CCDC178: variants seen among roughly 807,000 people sequenced by gnomAD.
CCDC178 encodes coiled-coil domain-containing protein 178.
In CCDC178, 126 loss-of-function variants were observed where a neutral mutation model predicts 117.4. The observed-to-expected ratio is 1.07, with a 90% confidence interval of 0.93 to 1.24. CCDC178 has a LOEUF of 1.24. CCDC178 is among the 50% of genes most tolerant of loss of function. The pLI, the probability that CCDC178 is intolerant of heterozygous loss-of-function variation, is 0.00. For synonymous variants in CCDC178, 283 were observed against 313.4 expected (o/e 0.90, Z 1.02); for missense variants, 1,030 against 986.9 (o/e 1.04, Z -0.59).
intron 2 of CCDC178, among the ~76,000 whole-genome samples, chr18:33,425,673 G>A (rs1271811932): frequency 6.6e-6 from 1 of 152,164 alleles, no homozygotes; most frequent in East Asian, 1.9e-4. Context: ...TACTTGAACT[G>A]TGCTGCTTGA....
chr18:33,314,200 CAAAAAAAAAAAAAAAAAAAA>C (rs869127341), intron 11 of CCDC178, among the ~76,000 whole-genome samples: 1 of 62,426 alleles, frequency 1.6e-5, no homozygotes, highest in Non-Finnish European at 2.9e-5. Context: ...GACTCCGTCT[CAAAAAAAAAAAAAAAAAAAA>C]AAAAAAAAAA....
At position 33,223,195 on chromosome 18, in the gene CCDC178, T is replaced by G. The variant is rs756333419; in HGVS notation, c.1843A>C (p.Lys615Gln). Residue 615 changes from lysine (K) to glutamine (Q), a missense_variant, in exon 18 of 23, where the codon AAA becomes CAA. By Grantham distance (53) the Lys-to-Gln change is moderately conservative (BLOSUM62 1). Transcript: ENST00000383096. ...CCCACCTTTCTTCTAATAAGATCTT[T>G]CTGATCAATTATATTATTAAGCATC... ...SVMLNNIIDQ[K>Q]DLIRRKVGKV... 6.2e-7 allele frequency: 1 copy of G among 1,604,486 alleles called. No individual in the cohort carries two copies. The highest frequency in any genetic ancestry group is 1.3e-5 in the African/African-American group (1 of 74,590).
intron 18 of CCDC178, 68 bp from the exon 19 acceptor site, chr18:33,215,763 C>T (rs2059158457): frequency 2.5e-6 from 3 of 1,199,752 alleles, no homozygotes; most frequent in Non-Finnish European, 3.5e-6. Flanking sequence ...TATTTAGGAA[C>T]ACAATTACAT....
chr18:32,981,186 T>C (rs1053951083), intron 21 of CCDC178, among the ~76,000 whole-genome samples: 12 of 151,956 alleles, frequency 7.9e-5, no homozygotes, highest in African/African-American at 2.9e-4. Flanking sequence ...TCTAAAAAAA[T>C]AAAATAAAAT....
At chr18:33,188,101 C>G (rs1381767797) in intron 20 of CCDC178, among the ~76,000 whole-genome samples, 1 of 152,032 alleles carries the variant, frequency 6.6e-6, no homozygotes, top group East Asian at 1.9e-4. Flanking sequence ...TAAAGAAATG[C>G]TGGAGTGTAG....
Position 33,266,959 on chromosome 18 carries a change from G to A in CCDC178, c.1366C>T (p.Leu456Phe), listed in dbSNP as rs375342485. ...GTTATTTTGTTAATATCAATCTCAA[G>A]TTTTTTATTGTCTTCCGTCAGTTTT... Reference protein sequence around the residue: ...CTKLTEDNKKLEIDINKITVK... With the variant: ...CTKLTEDNKKFEIDINKITVK... Residue 456 changes from leucine to phenylalanine, a missense_variant, in exon 14 of 23, where the codon CTT becomes TTT. Coordinates refer to ENST00000383096, the MANE Select transcript of CCDC178 (RefSeq NM_001105528.4). The A allele has an allele frequency of 3.6e-5, 58 of 1,589,790 alleles. No individual in the cohort carries two copies. The highest frequency in any genetic ancestry group is 4.9e-5 in the Non-Finnish European group (57 of 1,172,934).
intron 17 of CCDC178, among the ~76,000 whole-genome samples, 170 bp downstream of exon 17, chr18:33,224,585 TTCTAGATAATAGCATTAATG>T (rs2059278607): frequency 6.6e-6 from 1 of 152,122 alleles, no homozygotes; most frequent in African/African-American, 2.4e-5. Context: ...GACTATGGGG[TTCTAGATAATAGCATTAATG>T]GTCTTGCTAT....
At chr18:32,966,616 A>G (rs749622181) in intron 22 of CCDC178, among the ~76,000 whole-genome samples, 2 of 151,892 alleles carry the variant, frequency 1.3e-5, no homozygotes, top group Non-Finnish European at 2.9e-5. Flanking sequence ...TTCCTTTTAA[A>G]AAGTGTTAGA....
At chr18:33,220,815 T>C (rs753339122) in intron 18 of CCDC178, among the ~76,000 whole-genome samples, 8 of 152,132 alleles carry the variant, frequency 5.3e-5, no homozygotes, top group Admixed American at 1.3e-4. Flanking sequence ...AAAATGATTT[T>C]CTTTTCTGCT....
At chr18:33,126,823 A>AT (rs891712932) in intron 20 of CCDC178, among the ~76,000 whole-genome samples, 2 of 151,574 alleles carry the variant, frequency 1.3e-5, no homozygotes, top group East Asian at 1.9e-4. Flanking sequence ...ACACTGACTA[A>AT]TTTTTTGTAT....
intron 14 of CCDC178, among the ~76,000 whole-genome samples, chr18:33,248,321 G>T (rs1412520312): frequency 6.6e-6 from 1 of 151,576 alleles, no homozygotes; most frequent in African/African-American, 2.4e-5. Flanking sequence ...TGTGCACAAT[G>T]TGCAGGTTTG....
chr18:33,088,723 T>C (rs2057419158), intron 21 of CCDC178, among the ~76,000 whole-genome samples: 1 of 152,172 alleles, frequency 6.6e-6, no homozygotes, highest in Non-Finnish European at 1.5e-5. Context: ...TTCTTGTCTC[T>C]GTAATTCCTT....
At chr18:33,320,069 A>G (rs1439083074) in intron 11 of CCDC178, among the ~76,000 whole-genome samples, 1 of 152,188 alleles carries the variant, frequency 6.6e-6, no homozygotes, top group African/African-American at 2.4e-5. Context: ...CTCTCAATAA[A>G]TTAGGTATTG....
At chr18:33,276,035 A>AATAAATAAATAT (rs1218808786) in intron 12 of CCDC178, among the ~76,000 whole-genome samples, 1 of 151,304 alleles carries the variant, frequency 6.6e-6, no homozygotes, top group Non-Finnish European at 1.5e-5. Flanking sequence ...TGAGTAAATA[A>AATAAATAAATAT]ATAAATAAAT....
intron 22 of CCDC178, among the ~76,000 whole-genome samples, chr18:32,959,182 C>T (rs2144653425): frequency 6.6e-6 from 1 of 152,160 alleles, no homozygotes; most frequent in South Asian, 2.1e-4. Context: ...ATTCCCTTTG[C>T]CAACTGAGGG....
chr18:33,185,901 T>C (rs528455065), intron 20 of CCDC178, among the ~76,000 whole-genome samples: 2 of 151,976 alleles, frequency 1.3e-5, no homozygotes, highest in African/African-American at 4.8e-5. Context: ...AGTGAGAAAA[T>C]GGGTATTGTT....
chr18:33,110,061 C>T (rs1324046619), intron 20 of CCDC178, among the ~76,000 whole-genome samples: 3 of 151,518 alleles, frequency 2.0e-5, no homozygotes, highest in Non-Finnish European at 3.0e-5. Flanking sequence ...GTTCCTGTTG[C>T]TTTACATTTT....
intron 20 of CCDC178, among the ~76,000 whole-genome samples, chr18:33,175,118 C>T (rs1293694832): frequency 6.6e-6 from 1 of 151,824 alleles, no homozygotes; most frequent in Admixed American, 6.6e-5. Flanking sequence ...CCTCATGATC[C>T]GCCCGCCTCG....
At chr18:33,176,349 G>A (rs1327558829) in intron 20 of CCDC178, among the ~76,000 whole-genome samples, 1 of 152,000 alleles carries the variant, frequency 6.6e-6, no homozygotes, top group African/African-American at 2.4e-5. Context: ...ACCCCAAAAT[G>A]TCCCACTTCT....
Sources: gnomAD v4.1 joint callset for allele counts (sites outside exome capture counted in the v4.1 genomes callset) on GRCh38, gnomAD v4.1.1 for gene constraint, MANE v1.5 for transcripts, NCBI Gene and HGNC (gene_info 2026-07-23, HGNC 2026-07-21) for gene names.